The following RPS6KC1 variants were observed in gnomAD, a reference collection of about 807,000 sequenced individuals.
RPS6KC1 encodes the protein inactive ribosomal protein S6 kinase delta-1.
Under a neutral mutation model 103.8 loss-of-function variants are expected in RPS6KC1, and 54 were observed. That is an observed-to-expected ratio of 0.52 (90% CI 0.42 to 0.65). RPS6KC1 has a LOEUF of 0.65. Among genes scored for constraint, RPS6KC1 ranks in the 30% least tolerant of loss-of-function variants. The probability of loss-of-function intolerance (pLI) is 0.00; values close to 1 mark genes in which losing one functional copy is unlikely to be tolerated. For synonymous variants in RPS6KC1, 439 were observed against 438.7 expected (o/e 1.00, Z -0.01); for missense variants, 1,151 against 1,253.8 (o/e 0.92, Z 1.24).
chr1:213,281,866 A>G, the RPS6KC1 span, among the ~76,000 whole-genome samples: 1 of 152,190 alleles, frequency 6.6e-6, no homozygotes, highest in Non-Finnish European at 1.5e-5. Flanking sequence ...CGCCCATTGC[A>G]GCATTGGTAG....
the RPS6KC1 span, among the ~76,000 whole-genome samples, chr1:213,474,905 CT>C: frequency 6.6e-6 from 1 of 152,176 alleles, no homozygotes; most frequent in Non-Finnish European, 1.5e-5. Context: ...CATTCTCTCC[CT>C]TTAACAACAT....
At chr1:213,166,224 G>A (rs979223183) in intron 6 of RPS6KC1, among the ~76,000 whole-genome samples, 5 of 151,704 alleles carry the variant, frequency 3.3e-5, no homozygotes, top group African/African-American at 1.2e-4. Context: ...TTGAGCCTAA[G>A]GTGAATCAAA....
chr1:213,330,385 G>A, the RPS6KC1 span, among the ~76,000 whole-genome samples: 1 of 152,220 alleles, frequency 6.6e-6, no homozygotes, highest in Non-Finnish European at 1.5e-5. Flanking sequence ...TTCTGTTGGA[G>A]TCTAGTAGGG....
chr1:213,314,597 C>T, the RPS6KC1 span, among the ~76,000 whole-genome samples: 1 of 151,742 alleles, frequency 6.6e-6, no homozygotes, highest in Non-Finnish European at 1.5e-5. Flanking sequence ...TCTGAGGAAT[C>T]CTGTGAAGAC....
At chr1:213,636,318 C>G in the RPS6KC1 span, among the ~76,000 whole-genome samples, 1 of 152,132 alleles carries the variant, frequency 6.6e-6, no homozygotes, top group Non-Finnish European at 1.5e-5. Context: ...CAAGAGAAAC[C>G]TAAGCAAAAA....
the RPS6KC1 span, among the ~76,000 whole-genome samples, chr1:213,541,004 T>C: frequency 6.6e-6 from 1 of 151,896 alleles, no homozygotes; most frequent in South Asian, 2.1e-4. Context: ...GCTCCACCTG[T>C]AATTCTAGTT....
intron 5 of RPS6KC1, among the ~76,000 whole-genome samples, chr1:213,126,300 C>T (rs762322578): frequency 3.3e-5 from 5 of 151,894 alleles, no homozygotes; most frequent in Non-Finnish European, 7.4e-5. Flanking sequence ...TGTTACTGTC[C>T]GTATGGCTGA....
At chr1:213,244,568 T>A (rs1198741444) in intron 12 of RPS6KC1, among the ~76,000 whole-genome samples, 1 of 152,198 alleles carries the variant, frequency 6.6e-6, no homozygotes. Flanking sequence ...TTCTTTATTC[T>A]CAAGCACAGT....
chr1:213,561,977 G>A, the RPS6KC1 span, among the ~76,000 whole-genome samples: 1 of 152,188 alleles, frequency 6.6e-6, no homozygotes, highest in Admixed American at 6.5e-5. Flanking sequence ...TATCCTTTGA[G>A]GCCAGATTCC....
At chr1:213,383,557 T>G in the RPS6KC1 span, among the ~76,000 whole-genome samples, 3 of 151,986 alleles carry the variant, frequency 2.0e-5, no homozygotes, top group Non-Finnish European at 4.4e-5. Context: ...TATTATGGAC[T>G]AAATATTTGT....
At chr1:213,666,806 G>A in the RPS6KC1 span, among the ~76,000 whole-genome samples, 101 of 152,288 alleles carry the variant, frequency 6.6e-4, 1 homozygote, top group South Asian at 8.3e-4. Context: ...AGTTATTGCC[G>A]CTTATTCATA....
chr1:213,707,041 T>G, the RPS6KC1 span, among the ~76,000 whole-genome samples: 1 of 152,230 alleles, frequency 6.6e-6, no homozygotes, highest in African/African-American at 2.4e-5. Context: ...TACAGTGATT[T>G]ATAATCCTTT....
the RPS6KC1 span, among the ~76,000 whole-genome samples, chr1:213,521,610 TC>T: frequency 6.6e-6 from 1 of 152,168 alleles, no homozygotes; most frequent in Non-Finnish European, 1.5e-5. Flanking sequence ...AAAATAGGAG[TC>T]AATCCTTTCA....
Position 213,151,860 on chromosome 1 carries a change from C to T in RPS6KC1, c.836-15998C>T, listed in dbSNP as rs1170400856. ...CCCCCCACCTCCCTCCCGGACGGGGCGGCTGGCCGGGCGGGGGGCTGATCC... is the reference window on the plus strand; with the variant it reads ...CCCCCCACCTCCCTCCCGGACGGGGTGGCTGGCCGGGCGGGGGGCTGATCC... On this transcript the variant is annotated intron_variant, in intron 6 of 14. Coordinates refer to ENST00000366960, the MANE Select transcript of RPS6KC1 (RefSeq NM_012424.6). Among the ~76,000 whole-genome samples the T allele has an allele frequency of 8.2e-5, 10 of 121,788 alleles. No homozygotes were observed. In the East Asian group the frequency reaches 1.6e-3, roughly 20 times the overall value. 79.9% of individuals were successfully genotyped at this position (121,788 alleles called of 152,430 possible).
At chr1:213,539,936 T>C in the RPS6KC1 span, among the ~76,000 whole-genome samples, 1 of 152,230 alleles carries the variant, frequency 6.6e-6, no homozygotes, top group South Asian at 2.1e-4. Context: ...TAATATTTTG[T>C]CTAAAAAAAG....
chr1:213,384,275 C>CAAAA, the RPS6KC1 span, among the ~76,000 whole-genome samples: 705 of 144,982 alleles, frequency 4.9e-3, 5 homozygotes, highest in African/African-American at 0.016. Context: ...GACTCCATCT[C>CAAAA]AAAAAAAAAT....
chr1:213,410,273 C>T, the RPS6KC1 span, among the ~76,000 whole-genome samples: 1 of 151,932 alleles, frequency 6.6e-6, no homozygotes, highest in African/African-American at 2.4e-5. Context: ...GAATGTGGCC[C>T]CTGAGGAAAT....
At chr1:213,363,639 T>G in the RPS6KC1 span, among the ~76,000 whole-genome samples, 1 of 50,166 alleles carries the variant, frequency 2.0e-5, no homozygotes, top group African/African-American at 1.8e-4. Flanking sequence ...TCTTTCTTTC[T>G]TTCTTTCTTT....
At chr1:213,226,725 G>T (rs2093972586) in intron 8 of RPS6KC1, among the ~76,000 whole-genome samples, 1 of 152,148 alleles carries the variant, frequency 6.6e-6, no homozygotes, top group Middle Eastern at 3.4e-3. Context: ...AACCAGTGAT[G>T]GTTTCTCAGT....
Sources: allele counts gnomAD v4.1 joint callset (sites outside exome capture counted in the v4.1 genomes callset), GRCh38; gene constraint gnomAD v4.1.1; transcripts MANE v1.5; gene names NCBI Gene and HGNC (gene_info 2026-07-23, HGNC 2026-07-21).